Variants in TCF12 observed in about 807,000 individuals in gnomAD.
The protein encoded by TCF12 is transcription factor 12, also known as DNA-binding protein HTF4.
A neutral mutation model predicts 86.0 loss-of-function variants in TCF12; 45 were observed. That is an observed-to-expected ratio of 0.52 (90% CI 0.41 to 0.67). The LOEUF (loss-of-function observed/expected upper bound fraction) is 0.67, where lower values mean the gene tolerates loss of function less well. Among genes scored for constraint, TCF12 ranks in the 30% least tolerant of loss-of-function variants. The probability of loss-of-function intolerance (pLI) is 0.00; values close to 1 mark genes in which losing one functional copy is unlikely to be tolerated. For missense variants in TCF12, 881 were observed against 859.9 expected (o/e 1.02, Z -0.31); for synonymous variants, 330 against 299.6 (o/e 1.10, Z -1.05).
intron 3 of TCF12, among the ~76,000 whole-genome samples, chr15:56,958,145 G>T (rs548709442): frequency 6.6e-6 from 1 of 152,270 alleles, no homozygotes; most frequent in Non-Finnish European, 1.5e-5. Flanking sequence ...TTTTGCAGGA[G>T]TTTTTACCTG....
intron 5 of TCF12, among the ~76,000 whole-genome samples, chr15:57,130,828 A>G (rs918484239): frequency 2.0e-5 from 3 of 152,332 alleles, no homozygotes; most frequent in East Asian, 3.9e-4. Context: ...TACGAGTTGT[A>G]TGTATTGCCT....
chr15:57,228,120 G>T (rs1244646781), intron 8 of TCF12, among the ~76,000 whole-genome samples: 1 of 151,834 alleles, frequency 6.6e-6, no homozygotes, highest in Non-Finnish European at 1.5e-5. Flanking sequence ...TCTTTTTGTG[G>T]AATTGGCTGA....
intron 3 of TCF12, among the ~76,000 whole-genome samples, chr15:56,941,629 C>T (rs1437185134): frequency 6.6e-6 from 1 of 151,640 alleles, no homozygotes; most frequent in Non-Finnish European, 1.5e-5. Context: ...CCTTCCTCGG[C>T]CTCCCAAAGT....
chr15:57,165,444 T>C (rs2054816716), intron 5 of TCF12, among the ~76,000 whole-genome samples: 1 of 152,162 alleles, frequency 6.6e-6, no homozygotes, highest in Admixed American at 6.5e-5. Flanking sequence ...TGAATATATA[T>C]TTAAGAGTAT....
At chr15:57,086,224 A>AATAATAATAATG in intron 4 of TCF12, among the ~76,000 whole-genome samples, 1 of 148,562 alleles carries the variant, frequency 6.7e-6, no homozygotes, top group East Asian at 2.0e-4. Context: ...TAATAATAAT[A>AATAATAATAATG]ATAATAATAA....
At chr15:56,952,459 A>C (rs1478237387) in intron 3 of TCF12, among the ~76,000 whole-genome samples, 5 of 151,866 alleles carry the variant, frequency 3.3e-5, no homozygotes, top group African/African-American at 1.2e-4. Flanking sequence ...AATTCCATAA[A>C]ATTTATAGAT....
chr15:57,079,879 A>G (rs1312814796), intron 4 of TCF12, among the ~76,000 whole-genome samples: 2 of 152,222 alleles, frequency 1.3e-5, no homozygotes, highest in Admixed American at 6.5e-5. Flanking sequence ...TTTTCTTTAA[A>G]TAAATCTATA....
chr15:57,231,113 T>A, intron 8 of TCF12, 39 bp from the exon 9 acceptor site: 1 of 1,455,334 alleles, frequency 6.9e-7, no homozygotes, highest in Non-Finnish European at 9.6e-7. Flanking sequence ...AATATGATAG[T>A]CATTTACATT....
At chr15:56,998,588 A>G (rs2063840603) in intron 3 of TCF12, among the ~76,000 whole-genome samples, 1 of 152,194 alleles carries the variant, frequency 6.6e-6, no homozygotes, top group Non-Finnish European at 1.5e-5. Flanking sequence ...CTCAGCATTT[A>G]TAATTGAAGA....
At chr15:57,005,200 A>G (rs1308559074) in intron 3 of TCF12, among the ~76,000 whole-genome samples, 1 of 152,222 alleles carries the variant, frequency 6.6e-6, no homozygotes, top group Non-Finnish European at 1.5e-5. Context: ...AGATAAAGCA[A>G]CAAAACCCAT....
chr15:56,974,107 A>C (rs1023309078), intron 3 of TCF12, among the ~76,000 whole-genome samples: 5 of 152,118 alleles, frequency 3.3e-5, no homozygotes, highest in African/African-American at 9.7e-5. Context: ...TAAAATCTCA[A>C]TAAGGCCTGT....
chr15:57,056,784 C>CT (rs1391110100), intron 3 of TCF12, among the ~76,000 whole-genome samples: 1 of 148,200 alleles, frequency 6.7e-6, no homozygotes, highest in Non-Finnish European at 1.5e-5. Flanking sequence ...TTAATGTTTT[C>CT]TTTTTCTTCG....
chr15:56,920,889 G>A (rs1319506639), intron 2 of TCF12, 137 bp from the exon 3 acceptor site: 3 of 576,580 alleles, frequency 5.2e-6, no homozygotes, highest in Non-Finnish European at 5.9e-6. Context: ...TGCCTCTCTG[G>A]ATCTGAATGT....
rs112292862 is a variant in TCF12, at chr15:57,247,699, T to G, written c.1115-3651T>G. ...TCACTGTTAGATGGGCACCAGACTTTACAGAATCCTCTATAGAAAGAGCTC... is the reference window on the plus strand; with the variant it reads ...TCACTGTTAGATGGGCACCAGACTTGACAGAATCCTCTATAGAAAGAGCTC... On this transcript the variant is annotated intron_variant, in intron 13 of 20. Coordinates refer to ENST00000333725, the MANE Select transcript of TCF12 (RefSeq NM_207037.2). 1,455 of 743,344 alleles carry G rather than the reference T, an allele frequency of 2.0e-3. 7 individuals are homozygous for G. The highest frequency in any genetic ancestry group is 4.9e-3 in the Middle Eastern group (16 of 3,272). The allele number at this position is 743,344 out of a possible 1,614,324, so 46.0% of individuals were successfully genotyped here.
At chr15:56,918,377 AGGAGGCCCGG>A, upstream of TCF12, 2 of 382,784 alleles carry the variant, frequency 5.2e-6, no homozygotes, top group Non-Finnish European at 1.1e-5. Context: ...CCCCGCTCCC[AGGAGGCCCGG>A]ACGAGGCTTC....
intron 3 of TCF12, among the ~76,000 whole-genome samples, chr15:57,010,124 TTTAC>T (rs2064731675): frequency 1.3e-5 from 2 of 152,118 alleles, no homozygotes; most frequent in African/African-American, 4.8e-5. Flanking sequence ...CAGTACATGT[TTTAC>T]TTAGTTGTGT....
intron 3 of TCF12, among the ~76,000 whole-genome samples, chr15:57,045,321 A>G (rs2067160779): frequency 6.6e-6 from 1 of 152,226 alleles, no homozygotes; most frequent in Non-Finnish European, 1.5e-5. Context: ...TTTCCCCATA[A>G]GATGAATACT....
At position 57,139,518 on chromosome 15, in the gene TCF12, C is replaced by T. The variant is rs1596761296; in HGVS notation, c.326-26884C>T. ...ACTTTAGTGAATCTTAGTCCTTTTC[C>T]CTGGAAAAATTAATAGTATCACTCA... is the stretch of plus-strand genomic sequence containing the variant. On this transcript the variant is annotated intron_variant, in intron 5 of 20. Transcript: ENST00000333725. Among the ~76,000 whole-genome samples the T allele has an allele frequency of 9.9e-5, 15 of 152,126 alleles. No individual in the cohort carries two copies. The South Asian group carries it at 3.1e-3, about 32-fold the overall frequency.
chr15:57,207,167 G>A (rs992242781), intron 8 of TCF12, among the ~76,000 whole-genome samples: 8 of 152,042 alleles, frequency 5.3e-5, no homozygotes, highest in South Asian at 2.1e-4. Context: ...CTTGGGAATC[G>A]GTTCCAACCC....
Sources: allele counts gnomAD v4.1 joint callset (sites outside exome capture counted in the v4.1 genomes callset), GRCh38; gene constraint gnomAD v4.1.1; transcripts MANE v1.5; gene names NCBI Gene and HGNC (gene_info 2026-07-23, HGNC 2026-07-21).